HCRTR2: variants seen among roughly 807,000 people sequenced by gnomAD.
HCRTR2 encodes the protein hypocretin receptor 2.
HCRTR2 carries 22 observed loss-of-function variants against 49.0 expected under a neutral mutation model. That is an observed-to-expected ratio of 0.45 (90% CI 0.32 to 0.64). The LOEUF (loss-of-function observed/expected upper bound fraction) is 0.64. HCRTR2 is among the 30% of genes least tolerant of loss of function. The pLI is 0.04. For synonymous variants in HCRTR2, 236 were observed against 205.3 expected (o/e 1.15, Z -1.28); for missense variants, 491 against 559.4 (o/e 0.88, Z 1.23).
rs201160585 is a variant in HCRTR2 at position 55,165,812 on chromosome 6, A to G, written c.-377-8399A>G. Among the ~76,000 whole-genome samples the G allele has an allele frequency of 4.3e-5, 6 of 140,314 alleles. No individual in the cohort carries two copies. The East Asian group carries it at 1.3e-3, about 31-fold the overall frequency. 92.1% of individuals were successfully genotyped at this position (140,314 alleles called of 152,430 possible). A position where few individuals can be genotyped will look rare whatever the true frequency, so the allele number is the denominator to read the frequency against. The stretch of plus-strand genomic sequence containing the variant: ...ATACTCTTACACCTCAACTATAAAG[A>G]GACGAATAACCCAATCTAAAAAAAT... On this transcript the variant is annotated intron_variant, in intron 1 of 7. Coordinates refer to the HCRTR2 transcript ENST00000615358.
At chr6:55,217,003 T>C (rs1041567339) in intron 1 of HCRTR2, among the ~76,000 whole-genome samples, 2 of 152,118 alleles carry the variant, frequency 1.3e-5, no homozygotes, top group African/African-American at 4.8e-5. Context: ...TGCCAAGGCT[T>C]ATGGCTTTTG....
At chr6:55,256,718 T>G (rs2127318300) in intron 3 of HCRTR2, among the ~76,000 whole-genome samples, 1 of 152,186 alleles carries the variant, frequency 6.6e-6, no homozygotes, top group African/African-American at 2.4e-5. Flanking sequence ...CAATGGAAAT[T>G]TCCAAAATGG....
At chr6:55,244,117 C>T (rs1163937381) in intron 1 of HCRTR2, among the ~76,000 whole-genome samples, 7 of 151,816 alleles carry the variant, frequency 4.6e-5, no homozygotes, top group South Asian at 2.1e-4. Context: ...GTGTATTTTA[C>T]GGGAAACATT....
intron 4 of HCRTR2, among the ~76,000 whole-genome samples, chr6:55,276,632 T>C (rs758478207): frequency 3.3e-5 from 5 of 152,212 alleles, no homozygotes; most frequent in Non-Finnish European, 7.3e-5. Flanking sequence ...CTTGGAGGGA[T>C]TCCCTGCTAT....
intron 1 of HCRTR2, among the ~76,000 whole-genome samples, chr6:55,129,391 A>T (rs1269729671): frequency 6.6e-6 from 1 of 152,142 alleles, no homozygotes; most frequent in African/African-American, 2.4e-5. Context: ...AACTCAGTTT[A>T]CATCTAAAAT....
intron 2 of HCRTR2, among the ~76,000 whole-genome samples, chr6:55,254,342 T>G (rs1766609077): frequency 6.6e-6 from 1 of 152,146 alleles, no homozygotes; most frequent in Non-Finnish European, 1.5e-5. Context: ...ACATTGAACA[T>G]AATTACATTA....
At chr6:55,107,936 AT>A (rs1763997620) in intron 1 of HCRTR2, among the ~76,000 whole-genome samples, 2 of 152,140 alleles carry the variant, frequency 1.3e-5, no homozygotes, top group East Asian at 1.9e-4. Flanking sequence ...ATTGCTTATG[AT>A]TTGCTGTGCT....
rs1264309005 is a variant in HCRTR2, at chr6:55,282,263, T to C, written c.1144T>C (p.Cys382Arg). ...REEFKAAFSC[C>R]CLGVHHRQED... is the part of the protein sequence containing the mutation. ...GGAATTTAAAGCTGCGTTTTCTTGC[T>C]GTTGCCTTGGAGTTCACCATCGCCA... Residue 382 changes from cysteine to arginine, a missense_variant, in exon 7 of 7, where the codon TGT becomes CGT. Coordinates refer to ENST00000370862, the MANE Select transcript of HCRTR2 (RefSeq NM_001384272.1). 1 of 1,613,790 alleles carries C rather than the reference T, an allele frequency of 6.2e-7. No individual in the cohort carries two copies. The highest frequency in any genetic ancestry group is 8.5e-7 in the Non-Finnish European group (1 of 1,179,926).
intron 1 of HCRTR2, among the ~76,000 whole-genome samples, chr6:55,221,664 T>A (rs899300820): frequency 6.6e-6 from 1 of 151,832 alleles, no homozygotes; most frequent in Non-Finnish European, 1.5e-5. Flanking sequence ...ATACAAAAAA[T>A]TAGCCGGGCG....
chr6:55,135,201 T>C (rs1764417276), intron 1 of HCRTR2, among the ~76,000 whole-genome samples: 1 of 152,052 alleles, frequency 6.6e-6, no homozygotes, highest in East Asian at 1.9e-4. Context: ...CAAGGAAATA[T>C]ACAGGATTAA....
chr6:55,271,143 C>A (rs1460908744), intron 4 of HCRTR2, among the ~76,000 whole-genome samples: 2 of 152,054 alleles, frequency 1.3e-5, no homozygotes, highest in African/African-American at 4.8e-5. Context: ...AATGTCAAAT[C>A]TTAACAAAAA....
chr6:55,204,656 A>C (rs1463306589), intron 1 of HCRTR2, among the ~76,000 whole-genome samples: 3 of 152,146 alleles, frequency 2.0e-5, no homozygotes, highest in African/African-American at 7.2e-5. Context: ...GGATTGTGAG[A>C]AGTAATAAAA....
intron 1 of HCRTR2, among the ~76,000 whole-genome samples, chr6:55,196,729 A>G (rs1765423799): frequency 6.6e-6 from 1 of 152,204 alleles, no homozygotes. Context: ...TGAGGTTAAC[A>G]AAAGAGAATA....
intron 1 of HCRTR2, among the ~76,000 whole-genome samples, chr6:55,121,668 G>A (rs1459851326): frequency 6.6e-6 from 1 of 152,110 alleles, no homozygotes; most frequent in Non-Finnish European, 1.5e-5. Flanking sequence ...TTTTTAGCAT[G>A]AAAGGCTGTT....
chr6:55,279,676 T>G (rs776627478), intron 5 of HCRTR2, among the ~76,000 whole-genome samples: 2 of 152,156 alleles, frequency 1.3e-5, no homozygotes, highest in Non-Finnish European at 2.9e-5. Context: ...ATAGATGGAA[T>G]ATTTCTAAGT....
Position 55,263,781 on chromosome 6 carries a change from T to C in HCRTR2, c.721T>C (p.Leu241=), listed in dbSNP as rs1562026600. ...TYMAPLCLMV[L]AYLQIFRKLW... ...CATGGCACCACTGTGTCTCATGGTG[T>C]TGGCTTATCTGCAAATATTTCGCAA... The change falls in exon 4 of 7, where the codon TTG becomes CTG. Residue 241 remains leucine, a synonymous_variant. Transcript: ENST00000370862. 2 of 1,612,604 alleles carry C rather than the reference T, an allele frequency of 1.2e-6. No homozygotes were observed. Among genetic ancestry groups the C allele is most frequent in the South Asian group, 1.1e-5 (1 of 91,000 alleles).
chr6:55,282,546 T>C lies in HCRTR2; in HGVS notation c.*92T>C. On this transcript the variant is annotated 3_prime_UTR_variant, in exon 7 of 7. Coordinates refer to ENST00000370862, the MANE Select transcript of HCRTR2 (RefSeq NM_001384272.1). ...ATTTTATTATCCTATGATGTGAAGC[T>C]AAAATTACTTGTGGATCTTTTTTTT... The C allele has an allele frequency of 1.4e-6, 1 of 721,772 alleles. No homozygotes were observed. Among genetic ancestry groups the C allele is most frequent in the Non-Finnish European group, 2.4e-6 (1 of 419,194 alleles). 44.7% of individuals were successfully genotyped at this position (721,772 alleles called of 1,614,324 possible).
At chr6:55,142,661 T>A (rs1461030744) in intron 1 of HCRTR2, among the ~76,000 whole-genome samples, 1 of 152,142 alleles carries the variant, frequency 6.6e-6, no homozygotes, top group South Asian at 2.1e-4. Flanking sequence ...TTTGTTGTTT[T>A]TGCAGCATCG....
At chr6:55,141,794 G>A (rs1474947282) in intron 1 of HCRTR2, among the ~76,000 whole-genome samples, 1 of 151,940 alleles carries the variant, frequency 6.6e-6, no homozygotes, top group Non-Finnish European at 1.5e-5. Flanking sequence ...ATATATTAGG[G>A]GTGACTAATA....
Sources: allele counts gnomAD v4.1 joint callset (sites outside exome capture counted in the v4.1 genomes callset), GRCh38; gene constraint gnomAD v4.1.1; transcripts MANE v1.5; gene names NCBI Gene and HGNC (gene_info 2026-07-23, HGNC 2026-07-21).